The following ADGRL3 variants were observed in gnomAD, a reference collection of about 807,000 sequenced individuals.
The protein encoded by ADGRL3 is adhesion G protein-coupled receptor L3.
In ADGRL3, 62 loss-of-function variants were observed where a neutral mutation model predicts 153.5. The observed-to-expected ratio is 0.40, with a 90% CI of 0.33 to 0.50. ADGRL3 has a LOEUF of 0.50. ADGRL3 is among the 20% of genes least tolerant of loss of function. ADGRL3 has a pLI of 0.47. For missense variants in ADGRL3, 1,641 were observed against 1,859.4 expected (o/e 0.88, Z 2.16); for synonymous variants, 710 against 672.5 (o/e 1.06, Z -0.86).
intron 2 of ADGRL3, among the ~76,000 whole-genome samples, chr4:61,463,195 CA>C (rs1226116978): frequency 6.6e-6 from 1 of 152,088 alleles, no homozygotes; most frequent in Admixed American, 6.6e-5. Flanking sequence ...ATCTGAAGTT[CA>C]AATTTCACGG....
chr4:61,376,786 T>A (rs75003492), intron 1 of ADGRL3, among the ~76,000 whole-genome samples: 175 of 152,304 alleles, frequency 1.1e-3, no homozygotes, highest in Non-Finnish European at 2.2e-3. Flanking sequence ...TCCTTTATTA[T>A]GTCATAGGAC....
At chr4:61,974,012 G>A (rs1047704155) in intron 17 of ADGRL3, among the ~76,000 whole-genome samples, 1 of 152,096 alleles carries the variant, frequency 6.6e-6, no homozygotes, top group African/African-American at 2.4e-5. Context: ...CTGTCACCCA[G>A]GTTGGAGTGC....
intron 1 of ADGRL3, among the ~76,000 whole-genome samples, chr4:61,380,157 G>A (rs1392468326): frequency 1.3e-5 from 2 of 151,922 alleles, no homozygotes; most frequent in Non-Finnish European, 1.5e-5. Flanking sequence ...AAAAATGTGT[G>A]TATGTATATG....
rs2095708884 is a variant in ADGRL3 at position 61,337,709 on chromosome 4, T to C, written c.-239-45415T>C. On this transcript the variant is annotated intron_variant, in intron 1 of 26. Transcript: ENST00000683033. ...TGTGTGTTATGCTTCACGTGTATTT[T>C]CTTTTTTAACTGATGTACTTATATG... Among the ~76,000 whole-genome samples, 3 of 152,222 alleles carry C rather than the reference T, an allele frequency of 2.0e-5. No individual in the cohort carries two copies. In the South Asian group the frequency reaches 6.2e-4, roughly 32 times the overall value.
chr4:62,057,785 C>T (rs1737861131), intron 25 of ADGRL3, among the ~76,000 whole-genome samples: 1 of 152,060 alleles, frequency 6.6e-6, no homozygotes, highest in African/African-American at 2.4e-5. Context: ...TCAGGTGATC[C>T]TCCTGCCTCA....
intron 1 of ADGRL3, among the ~76,000 whole-genome samples, chr4:61,223,326 A>G (rs6822080): frequency 0.035 from 5,319 of 152,280 alleles, 346 homozygotes; most frequent in African/African-American, 0.12. Context: ...CATTTTGATG[A>G]AAGAGTAGAA....
chr4:61,390,130 T>A (rs1252342709), intron 2 of ADGRL3, among the ~76,000 whole-genome samples: 1 of 152,222 alleles, frequency 6.6e-6, no homozygotes, highest in Non-Finnish European at 1.5e-5. Context: ...AAATAATGAC[T>A]AATTTTAAAA....
chr4:61,646,160 A>G (rs916373514), intron 5 of ADGRL3, among the ~76,000 whole-genome samples: 5 of 151,530 alleles, frequency 3.3e-5, no homozygotes, highest in African/African-American at 1.2e-4. Flanking sequence ...ACTTCTCTGT[A>G]TTGGTTATTC....
At chr4:61,946,825 C>A in intron 15 of ADGRL3, 89 bp from the exon 16 acceptor site, 2 of 976,834 alleles carry the variant, frequency 2.0e-6, no homozygotes, top group Non-Finnish European at 1.6e-6. Context: ...TGTGTGAATA[C>A]ATACTACATG....
At chr4:61,767,491 T>A (rs971471199) in intron 8 of ADGRL3, among the ~76,000 whole-genome samples, 2 of 151,910 alleles carry the variant, frequency 1.3e-5, no homozygotes, top group African/African-American at 4.8e-5. Flanking sequence ...CCTTCCACTG[T>A]GAGAGTTACC....
intron 1 of ADGRL3, among the ~76,000 whole-genome samples, chr4:61,258,087 TC>T (rs1413781674): frequency 6.6e-6 from 1 of 152,064 alleles, no homozygotes. Flanking sequence ...CAAGGACCTA[TC>T]CCCCCCAGAC....
At chr4:61,325,310 C>CAA (rs200445587) in intron 1 of ADGRL3, among the ~76,000 whole-genome samples, 3 of 151,528 alleles carry the variant, frequency 2.0e-5, no homozygotes, top group African/African-American at 7.3e-5. Context: ...GACTCAATTT[C>CAA]AAAAAAACAA....
chr4:61,683,665 G>T (rs1186484629), intron 6 of ADGRL3, among the ~76,000 whole-genome samples: 10 of 152,122 alleles, frequency 6.6e-5, no homozygotes, highest in Admixed American at 5.2e-4. Context: ...GAAGGGTGGG[G>T]ATCAATCAGA....
chr4:61,839,916 C>T (rs1008476677), intron 9 of ADGRL3, among the ~76,000 whole-genome samples: 14 of 150,910 alleles, frequency 9.3e-5, no homozygotes, highest in Non-Finnish European at 5.9e-5. Context: ...GGCTATAGCA[C>T]TCCAGCCTGG....
intron 2 of ADGRL3, among the ~76,000 whole-genome samples, chr4:61,462,949 C>CT (rs1298784444): frequency 2.0e-5 from 3 of 152,128 alleles, no homozygotes; most frequent in African/African-American, 7.2e-5. Flanking sequence ...CAGATGTTTG[C>CT]TTTTTTCCAC....
intron 19 of ADGRL3, among the ~76,000 whole-genome samples, chr4:61,994,936 AG>A (rs2099116688): frequency 6.7e-6 from 1 of 148,856 alleles, no homozygotes; most frequent in Non-Finnish European, 1.5e-5. Flanking sequence ...TTTTTGAGAC[AG>A]GGTCTCACTC....
At position 61,495,420 on chromosome 4, in the gene ADGRL3, A is replaced by G. The variant is rs7672549; in HGVS notation, c.-173-1701A>G. ...ATGTATCAATCTCCAAGACAAAAAA[A>G]AGAAAAGAAAGACAGAAAGAATGAA... On this transcript the variant is annotated intron_variant, in intron 2 of 26. Coordinates refer to ENST00000683033, the MANE Select transcript of ADGRL3 (RefSeq NM_001387552.1). Among the ~76,000 whole-genome samples, 653 of 152,064 alleles carry G rather than the reference A, an allele frequency of 4.3e-3. 4 individuals are homozygous for G. Among genetic ancestry groups the G allele is most frequent in the African/African-American group, 0.015 (615 of 41,522 alleles).
intron 6 of ADGRL3, among the ~76,000 whole-genome samples, chr4:61,718,787 GA>G (rs750325500): frequency 1.9e-4 from 29 of 150,520 alleles, no homozygotes; most frequent in Admixed American, 9.9e-4. Flanking sequence ...GGCTTTTAAG[GA>G]AAAAAAAATA....
chr4:61,830,697 T>C (rs1018415051), intron 9 of ADGRL3, among the ~76,000 whole-genome samples: 1 of 152,066 alleles, frequency 6.6e-6, no homozygotes, highest in Non-Finnish European at 1.5e-5. Flanking sequence ...GGAAACCGAA[T>C]GCTACAGAAT....
Sources: gnomAD v4.1 joint callset for allele counts (sites outside exome capture counted in the v4.1 genomes callset) on GRCh38, gnomAD v4.1.1 for gene constraint, MANE v1.5 for transcripts, NCBI Gene and HGNC (gene_info 2026-07-23, HGNC 2026-07-21) for gene names.